Variants in VWA2 observed in about 807,000 individuals in gnomAD.
The protein encoded by VWA2 is von Willebrand factor A domain-containing protein 2.
VWA2 carries 73 observed loss-of-function variants against 70.4 expected under a neutral mutation model. The observed-to-expected ratio is 1.04, with a 90% CI of 0.86 to 1.26. VWA2 has a LOEUF of 1.26. Among genes scored for constraint, VWA2 ranks in the 50% most tolerant of loss-of-function variants. The probability of loss-of-function intolerance (pLI) is 0.00; values close to 1 mark genes in which losing one functional copy is unlikely to be tolerated. For synonymous variants in VWA2, 407 were observed against 423.3 expected (o/e 0.96, Z 0.47); for missense variants, 1,011 against 998.5 (o/e 1.01, Z -0.17).
intron 5 of VWA2, among the ~76,000 whole-genome samples, chr10:114,270,184 C>T (rs1016432032): frequency 3.3e-5 from 5 of 152,172 alleles, no homozygotes; most frequent in East Asian, 3.9e-4. Context: ...ACTCCAGTTC[C>T]GACCTCCACT....
In VWA2 at chr10:114,255,063, T is replaced by G. The variant is rs375940807; in HGVS notation, c.261+15T>G. On this transcript the variant is annotated intron_variant, in intron 4 of 13. Coordinates refer to ENST00000392982, the MANE Select transcript of VWA2 (RefSeq NM_001272046.2). ...GCCCCGAGAGGGTGAGTGCAAGTCTTGTGGGTGTTTGTGTTAGGGCGTCTT... is the reference window on the plus strand; with the variant it reads ...GCCCCGAGAGGGTGAGTGCAAGTCTGGTGGGTGTTTGTGTTAGGGCGTCTT... 1.2e-6 allele frequency: 2 copies of G among 1,609,810 alleles called. No individual in the cohort carries two copies. The highest frequency in any genetic ancestry group is 1.7e-6 in the Non-Finnish European group (2 of 1,178,952).
chr10:114,250,091 A>C (rs763806784), intron 2 of VWA2, among the ~76,000 whole-genome samples: 17 of 152,144 alleles, frequency 1.1e-4, no homozygotes, highest in Non-Finnish European at 1.3e-4. Context: ...CCTCCAGATC[A>C]AGTCACATCC....
Position 114,288,987 on chromosome 10 carries a change from C to T in VWA2, c.1620C>T (p.Ala540=), listed in dbSNP as rs1480948100. The change falls in exon 12 of 14, where the codon GCC becomes GCT. Residue 540 remains alanine (A), a synonymous_variant. Coordinates refer to ENST00000392982, the MANE Select transcript of VWA2 (RefSeq NM_001272046.2). The part of the protein sequence containing the change: ...LDLVFMLDTS[A]SVGPENFAQM... The stretch of plus-strand genomic sequence containing the variant: ...TCGTCTTCATGTTGGACACCTCTGC[C>T]TCAGTAGGGCCCGAGAATTTTGCTC... 1 of 1,613,946 alleles carries T rather than the reference C, an allele frequency of 6.2e-7. No homozygotes were observed. The highest frequency in any genetic ancestry group is 1.3e-5 in the African/African-American group (1 of 74,928).
At chr10:114,240,835 G>A (rs2036963003) in intron 1 of VWA2, among the ~76,000 whole-genome samples, 1 of 152,188 alleles carries the variant, frequency 6.6e-6, no homozygotes, top group African/African-American at 2.4e-5. Flanking sequence ...TCTCCTAGTA[G>A]TGTAAGAATT....
At position 114,286,283 on chromosome 10, in the gene VWA2, G is replaced by A. The variant is rs369435376; in HGVS notation, c.1342G>A (p.Val448Met). Residue 448 changes from valine (V) to methionine (M), a missense_variant, in exon 11 of 14, where the codon GTG becomes ATG. Physicochemically the swap from Val to Met is conservative, Grantham distance 21 (BLOSUM62 1). Coordinates refer to ENST00000392982, the MANE Select transcript of VWA2 (RefSeq NM_001272046.2). ...GACAGGCCAGGACCGGCCACGTAGA[G>A]TGGTGGTTTTGCTCACTGAGTCACA... is the stretch of plus-strand genomic sequence containing the variant. ...TRTGQDRPRR[V>M]VVLLTESHSE... 4.3e-6 allele frequency: 7 copies of A among 1,610,516 alleles called. No homozygotes were observed. In the African/African-American group the frequency reaches 9.3e-5, roughly 21 times the overall value.
intron 5 of VWA2, among the ~76,000 whole-genome samples, chr10:114,264,339 A>G (rs2133337760): frequency 6.6e-6 from 1 of 152,382 alleles, no homozygotes; most frequent in South Asian, 2.1e-4. Context: ...GATTCATGGT[A>G]CAGCATGGAG....
chr10:114,248,761 C>T lies in VWA2; in HGVS notation c.48C>T (p.Ser16=). The T allele has an allele frequency of 1.9e-6, 3 of 1,613,590 alleles. No individual in the cohort carries two copies. The highest frequency in any genetic ancestry group is 2.5e-6 in the Non-Finnish European group (3 of 1,179,584). The change falls in exon 2 of 14, where the codon TCC becomes TCT. Residue 16 remains serine, a synonymous_variant. Transcript: ENST00000392982. The stretch of plus-strand genomic sequence containing the variant: ...AAGCCGTCTGTGTTTTCCTGTTTTC[C>T]AGAGGTAAGATGTGTTTATTGGTGG... ...LLEAVCVFLF[S]RVPPSLPLQE...
At chr10:114,284,650 A>G (rs2038625233) in intron 9 of VWA2, among the ~76,000 whole-genome samples, 1 of 152,214 alleles carries the variant, frequency 6.6e-6, no homozygotes, top group Non-Finnish European at 1.5e-5. Context: ...CAAGCCTGCT[A>G]CAGAGCATCC....
intron 1 of VWA2, chr10:114,246,355 G>T: frequency 3.4e-6 from 2 of 583,828 alleles, no homozygotes; most frequent in Non-Finnish European, 6.1e-6. Context: ...ACAAAAATTA[G>T]CTGGGCGTGG....
At position 114,286,051 on chromosome 10, in the gene VWA2, GCGGGC is replaced by G. The variant is rs769643532; in HGVS notation, c.1113_1117del (p.Val373GlufsTer31). ...CCAAAGTCTTCGTGAAGCGGTTTGT[GCGGGC>G]CGTGCTGAGCGAGGACTCTCGGGCC... is the stretch of plus-strand genomic sequence containing the variant. On this transcript the variant is annotated frameshift_variant, in exon 11 of 14. Coordinates refer to ENST00000392982, the MANE Select transcript of VWA2 (RefSeq NM_001272046.2). LOFTEE classifies it high-confidence loss of function. 1.9e-6 allele frequency: 3 copies of G among 1,614,096 alleles called. No individual in the cohort carries two copies. Among genetic ancestry groups the G allele is most frequent in the Non-Finnish European group, 2.5e-6 (3 of 1,180,058 alleles).
chr10:114,262,730 A>G lies in VWA2; in HGVS notation c.371+1435A>G, dbSNP rs544255632. Among the ~76,000 whole-genome samples the G allele has an allele frequency of 7.9e-5, 12 of 152,336 alleles. No homozygotes were observed. In the South Asian group the frequency reaches 2.5e-3, roughly 32 times the overall value. On this transcript the variant is annotated intron_variant, in intron 5 of 13. Transcript: ENST00000392982. ...AGTAACCCTCACTGACTTTTATCTT[A>G]GACTCTCTATCCCAGCCCTTTCCTC...
At chr10:114,290,914 C>G (rs941158476) in intron 13 of VWA2, among the ~76,000 whole-genome samples, 5 of 152,102 alleles carry the variant, frequency 3.3e-5, no homozygotes, top group Non-Finnish European at 7.4e-5. Context: ...AGAGAGTGAT[C>G]GTTGGGAGGC....
intron 6 of VWA2, among the ~76,000 whole-genome samples, chr10:114,274,561 G>A (rs1262419297): frequency 2.6e-5 from 4 of 152,114 alleles, no homozygotes; most frequent in Admixed American, 6.5e-5. Flanking sequence ...TGCAACCTCC[G>A]CCTCCTGGGT....
intron 1 of VWA2, among the ~76,000 whole-genome samples, 152 bp downstream of exon 1, chr10:114,239,721 C>T (rs2036941680): frequency 6.6e-6 from 1 of 152,218 alleles, no homozygotes; most frequent in Non-Finnish European, 1.5e-5. Context: ...AGGGTGCGGG[C>T]TTTGTTCGCA....
At chr10:114,285,605 T>C (rs370969960) in intron 10 of VWA2, among the ~76,000 whole-genome samples, 2 of 152,202 alleles carry the variant, frequency 1.3e-5, no homozygotes, top group Non-Finnish European at 2.9e-5. Context: ...CAGTGAAGCC[T>C]GTAGAAGCAA....
chr10:114,258,436 A>C (rs1420831132), intron 4 of VWA2, among the ~76,000 whole-genome samples: 1 of 152,170 alleles, frequency 6.6e-6, no homozygotes, highest in Non-Finnish European at 1.5e-5. Flanking sequence ...CAGAGTGATT[A>C]TGGCTGGTAA....
At chr10:114,251,359 C>G (rs1470067355) in intron 2 of VWA2, among the ~76,000 whole-genome samples, 1 of 152,242 alleles carries the variant, frequency 6.6e-6, no homozygotes, top group Non-Finnish European at 1.5e-5. Flanking sequence ...CATCTGAAGC[C>G]TGGCACCTGC....
In VWA2 at chr10:114,272,735, C is replaced by A; in HGVS notation, c.372-5C>A. ...TCTTTCTTTTTTCCTTCTGGGTGTGCACAGAGGAGGGCGCACGGAGACGGA... is the reference window on the plus strand; with the variant it reads ...TCTTTCTTTTTTCCTTCTGGGTGTGAACAGAGGAGGGCGCACGGAGACGGA... On this transcript the variant is annotated splice_region_variant and splice_polypyrimidine_tract_variant and intron_variant, in intron 5 of 13. Transcript: ENST00000392982. 6.3e-7 allele frequency: 1 copy of A among 1,596,300 alleles called. No homozygotes were observed. The highest frequency in any genetic ancestry group is 8.6e-7 in the Non-Finnish European group (1 of 1,169,100).
chr10:114,242,529 C>T (rs2036991445), intron 1 of VWA2, among the ~76,000 whole-genome samples: 1 of 151,692 alleles, frequency 6.6e-6, no homozygotes, highest in Admixed American at 6.6e-5. Flanking sequence ...GTATCAGTGC[C>T]TCTGCATACC....
Sources: allele counts gnomAD v4.1 joint callset (sites outside exome capture counted in the v4.1 genomes callset), GRCh38; gene constraint gnomAD v4.1.1; transcripts MANE v1.5; gene names NCBI Gene and HGNC (gene_info 2026-07-23, HGNC 2026-07-21).